Variants in POLR2C observed in about 807,000 individuals in gnomAD.
POLR2C encodes RNA polymerase II subunit C.
A neutral mutation model predicts 41.7 loss-of-function variants in POLR2C; 36 were observed. The observed-to-expected ratio is 0.86, with a 90% confidence interval of 0.66 to 1.14. The LOEUF is 1.14. Ranked by LOEUF, POLR2C falls within the 50% of genes most tolerant of loss-of-function variation. The pLI, the probability that POLR2C is intolerant of heterozygous loss-of-function variation, is 0.00. For missense variants in POLR2C, 260 were observed against 350.4 expected, an observed-to-expected ratio of 0.74 and a Z score of 2.06; for synonymous variants, 133 against 137.8, an observed-to-expected ratio of 0.96 and a Z score of 0.25.
At chr16:57,468,444 CAA>C (rs2308250) in intron 4 of POLR2C, among the ~76,000 whole-genome samples, 27,989 of 152,154 alleles carry the variant, frequency 0.18, 3,984 homozygotes, top group African/African-American at 0.4. Context: ...ATGCAAACAT[CAA>C]AAGAGTGTTG....
At position 57,462,716 on chromosome 16, in the gene POLR2C, C is replaced by G. The variant is rs372376608; in HGVS notation, c.-9C>G. 3.1e-6 allele frequency: 5 copies of G among 1,591,066 alleles called. No homozygotes were observed. In the African/African-American group the frequency reaches 4.0e-5, roughly 13 times the overall value. ...GAGCAGACGCGGAGGCTGGTGGCCC[C>G]TGGGCGAGATGCCGTACGCCAACCA... On this transcript the variant is annotated 5_prime_UTR_variant, in exon 1 of 9. Coordinates refer to ENST00000219252, the MANE Select transcript of POLR2C (RefSeq NM_032940.3).
intron 4 of POLR2C, among the ~76,000 whole-genome samples, chr16:57,466,824 C>A (rs186160823): frequency 1.3e-5 from 2 of 152,282 alleles, no homozygotes; most frequent in Admixed American, 1.3e-4. Flanking sequence ...AAGGCTACTC[C>A]CTCTTGATGG....
chr16:57,470,925 G>A (rs376244539), intron 8 of POLR2C, 50 bp from the exon 9 acceptor site: 127 of 1,596,850 alleles, frequency 8.0e-5, no homozygotes, highest in Non-Finnish European at 1.0e-4. Flanking sequence ...GCCAGAGCTC[G>A]GGTCGGCCAG....
chr16:57,463,299 A>G (rs2030626830), intron 2 of POLR2C: 1 of 609,970 alleles, frequency 1.6e-6, no homozygotes. Flanking sequence ...CTGGGTATGC[A>G]TTGCTGAGAA....
At position 57,470,347 on chromosome 16, in the gene POLR2C, C is replaced by G. The variant is rs1451274907; in HGVS notation, c.676C>G (p.Pro226Ala). Residue 226 changes from proline to alanine, a missense_variant, in exon 8 of 9, where the codon CCA becomes GCA. By Grantham distance (27) the Pro-to-Ala change is conservative (BLOSUM62 -1). Transcript: ENST00000219252. Reference sequence around the variant, plus strand: ...GGCTCCCTATGACCCCAACGGCAAGCCAGAAAGGTAAGAGCCTGGTTGGAC... The same window carrying G: ...GGCTCCCTATGACCCCAACGGCAAGGCAGAAAGGTAAGAGCCTGGTTGGAC... ...SQAPYDPNGK[P>A]ERFYYNVESC... The G allele has an allele frequency of 6.2e-7, 1 of 1,606,070 alleles. No individual in the cohort carries two copies. Among genetic ancestry groups the G allele is most frequent in the Non-Finnish European group, 8.5e-7 (1 of 1,175,900 alleles).
In POLR2C at chr16:57,471,020, C is replaced by T. The variant is rs146004348; in HGVS notation, c.729C>T (p.Thr243=). 422 of 1,613,456 alleles carry T rather than the reference C, an allele frequency of 2.6e-4. No individual in the cohort carries two copies. Among genetic ancestry groups the T allele is most frequent in the Non-Finnish European group, 3.5e-4 (407 of 1,179,472 alleles). ...CCTGTGGCTCTCTGCGTCCTGAAACCATTGTCCTGTCAGCCCTCTCAGGAT... is the reference window on the plus strand; with the variant it reads ...CCTGTGGCTCTCTGCGTCCTGAAACTATTGTCCTGTCAGCCCTCTCAGGAT... The part of the protein sequence containing the change: ...VESCGSLRPE[T]IVLSALSGLK... The change falls in exon 9 of 9, where the codon ACC becomes ACT. Residue 243 remains threonine (T), a synonymous_variant. Coordinates refer to ENST00000219252, the MANE Select transcript of POLR2C (RefSeq NM_032940.3).
At chr16:57,466,128 G>T (rs766150293) in intron 3 of POLR2C, 47 bp from the exon 4 acceptor site, 34 of 1,523,722 alleles carry the variant, frequency 2.2e-5, no homozygotes, top group Non-Finnish European at 3.1e-5. Context: ...TTCTCATTTT[G>T]GCTTGGCTGT....
Position 57,471,411 on chromosome 16 carries a change from A to G in POLR2C, c.*292A>G, listed in dbSNP as rs2030835589. On this transcript the variant is annotated 3_prime_UTR_variant, in exon 9 of 9. Coordinates refer to ENST00000219252, the MANE Select transcript of POLR2C (RefSeq NM_032940.3). ...TTTCCAGTGCACCTGTAGGGAACCA[A>G]CTAGACTTCTCTCCTGGTTAGTCCA... 1 of 359,148 alleles carries G rather than the reference A, an allele frequency of 2.8e-6. No individual in the cohort carries two copies. The highest frequency in any genetic ancestry group is 5.1e-6 in the Non-Finnish European group (1 of 194,770). The allele number at this position is 359,148 out of a possible 1,614,324, so 22.2% of individuals were successfully genotyped here.
At chr16:57,465,553 A>G (rs1114157) in intron 2 of POLR2C, among the ~76,000 whole-genome samples, 10,052 of 152,282 alleles carry the variant, frequency 0.066, 383 homozygotes, top group African/African-American at 0.1. Context: ...GTATGGCCCC[A>G]TAAGTCTGTG....
chr16:57,466,167 T>C lies in POLR2C; in HGVS notation c.206-8T>C. 1.2e-6 allele frequency: 2 copies of C among 1,600,664 alleles called. No individual in the cohort carries two copies. The highest frequency in any genetic ancestry group is 2.2e-5 in the South Asian group (2 of 89,968). ...GTTTTCTTTAAAGTGCTTTTCTGTT[T>C]TTTACAGGATTAATTCCCCTCATTA... On this transcript the variant is annotated splice_region_variant and splice_polypyrimidine_tract_variant and intron_variant, in intron 3 of 8. Coordinates refer to ENST00000219252, the MANE Select transcript of POLR2C (RefSeq NM_032940.3).
intron 2 of POLR2C, among the ~76,000 whole-genome samples, chr16:57,465,471 A>G (rs144822573): frequency 6.6e-6 from 1 of 152,382 alleles, no homozygotes; most frequent in African/African-American, 2.4e-5. Flanking sequence ...AAAAGAATTC[A>G]GTAAACATTT....
Position 57,469,093 on chromosome 16 carries a change from A to G in POLR2C, c.259-72A>G. On this transcript the variant is annotated intron_variant, in intron 4 of 8. Transcript: ENST00000219252. The surrounding 1 kb of genome is among the most constrained non-coding windows in gnomAD (Gnocchi z 5.8). Reference sequence around the variant, plus strand: ...AAGGAACTGGGCATTAGATGCAGGAAGCCAAGACAAGGAGCCAAGGCAGGA... The same window carrying G: ...AAGGAACTGGGCATTAGATGCAGGAGGCCAAGACAAGGAGCCAAGGCAGGA... 4 of 1,512,150 alleles carry G rather than the reference A, an allele frequency of 2.6e-6. No homozygotes were observed. Among genetic ancestry groups the G allele is most frequent in the Non-Finnish European group, 3.6e-6 (4 of 1,099,638 alleles). 93.7% of individuals were successfully genotyped at this position (1,512,150 alleles called of 1,614,324 possible).
intron 2 of POLR2C, among the ~76,000 whole-genome samples, chr16:57,464,943 T>C (rs1373805091): frequency 6.6e-5 from 10 of 152,090 alleles, no homozygotes; most frequent in African/African-American, 1.9e-4. Flanking sequence ...TACACAAATA[T>C]GACACAAGGC....
At chr16:57,462,885 C>CG (rs2030608240) in intron 1 of POLR2C, 75 bp downstream of exon 1, 1 of 151,598 alleles carries the variant, frequency 6.6e-6, no homozygotes, top group East Asian at 1.8e-4. Flanking sequence ...GGGCAGGGGG[C>CG]GGGGGTGTAG....
At chr16:57,463,183 G>A (rs906013528) in intron 2 of POLR2C, 105 bp downstream of exon 2, 3 of 958,054 alleles carry the variant, frequency 3.1e-6, no homozygotes, top group Non-Finnish European at 5.0e-6. Context: ...GGCTGAGGGT[G>A]GTAGTGCTGA....
intron 1 of POLR2C, 30 bp from the exon 2 acceptor site, chr16:57,462,999 C>T (rs1168738823): frequency 1.2e-6 from 2 of 1,606,632 alleles, no homozygotes; most frequent in African/African-American, 1.3e-5. Flanking sequence ...GCTGCAGCGC[C>T]TTCACGCCCC....
chr16:57,462,873 C>T, intron 1 of POLR2C, 63 bp downstream of exon 1: 1 of 355,790 alleles, frequency 2.8e-6, no homozygotes, highest in South Asian at 3.1e-5. Context: ...GCCGGGGCCC[C>T]GGGGCAGGGG....
chr16:57,471,735 T>TGGGGGGGGTGGGGGTGGG lies in POLR2C; in HGVS notation c.*618_*619insGGGGGGTGGGGGTGGGGG, dbSNP rs1165318830. The TGGGGGGGGTGGGGGTGGG allele has an allele frequency of 1.0e-5, 1 of 100,324 alleles. No homozygotes were observed. Among genetic ancestry groups the TGGGGGGGGTGGGGGTGGG allele is most frequent in the African/African-American group, 4.2e-5 (1 of 24,006 alleles). 6.2% of individuals were successfully genotyped at this position (100,324 alleles called of 1,614,324 possible). A position where few individuals can be genotyped will look rare whatever the true frequency, so the allele number is the denominator to read the frequency against. On this transcript the variant is annotated 3_prime_UTR_variant, in exon 9 of 9. Coordinates refer to ENST00000219252, the MANE Select transcript of POLR2C (RefSeq NM_032940.3). ...CCTCCAATGACCTGATCATTTAGTT[T>TGGGGGGGGTGGGGGTGGG]GGTGGGGGTGGGGGTGGGGGTGGGG...
chr16:57,464,660 C>T, intron 2 of POLR2C, among the ~76,000 whole-genome samples: 1 of 78,500 alleles, frequency 1.3e-5, no homozygotes, highest in South Asian at 5.5e-4. Context: ...ACCACCACCA[C>T]CCCACCCCCC....
Sources: gnomAD v4.1 joint callset for allele counts (sites outside exome capture counted in the v4.1 genomes callset) on GRCh38, gnomAD v4.1.1 for gene constraint, Gnocchi (gnomAD v3.1) non-coding constraint, MANE v1.5 for transcripts, NCBI Gene and HGNC (gene_info 2026-07-23, HGNC 2026-07-21) for gene names.